Variants in VCL observed in about 807,000 individuals in gnomAD.
The protein encoded by VCL is epididymis luminal protein 114.
A neutral mutation model predicts 125.7 loss-of-function variants in VCL; 47 were observed. The ratio of observed to expected loss-of-function variants is 0.37; its 90% CI spans 0.30 to 0.48. The LOEUF is 0.48. VCL is among the 20% of genes least tolerant of loss of function. The probability of loss-of-function intolerance (pLI) is 0.99; values close to 1 mark genes in which losing one functional copy is unlikely to be tolerated. For synonymous variants in VCL, 458 were observed against 514.6 expected (o/e 0.89, Z 1.49); for missense variants, 1,069 against 1,455.5 (o/e 0.73, Z 4.32).
chr10:74,108,558 C>A (rs949692167), intron 17 of VCL, among the ~76,000 whole-genome samples: 3 of 152,014 alleles, frequency 2.0e-5, no homozygotes, highest in Non-Finnish European at 2.9e-5. Flanking sequence ...CAGCTCACGG[C>A]AACCTCTGCC....
At chr10:74,093,045 C>G (rs1839912493) in intron 10 of VCL, among the ~76,000 whole-genome samples, 1 of 152,136 alleles carries the variant, frequency 6.6e-6, no homozygotes, top group South Asian at 2.1e-4. Flanking sequence ...GCCTGTAATC[C>G]TAGCACTTTG....
At chr10:74,022,028 G>A (rs1244388091) in intron 1 of VCL, among the ~76,000 whole-genome samples, 1 of 151,942 alleles carries the variant, frequency 6.6e-6, no homozygotes, top group Non-Finnish European at 1.5e-5. Context: ...CCTATGCCTT[G>A]TCCCCAGTCT....
chr10:74,056,569 A>G (rs1392351450), intron 2 of VCL, among the ~76,000 whole-genome samples: 1 of 152,146 alleles, frequency 6.6e-6, no homozygotes, highest in Non-Finnish European at 1.5e-5. Flanking sequence ...CAGGGTTGGA[A>G]CAGCATGTAT....
At chr10:74,000,782 A>G (rs1028877740) in intron 1 of VCL, among the ~76,000 whole-genome samples, 2 of 152,196 alleles carry the variant, frequency 1.3e-5, no homozygotes, top group African/African-American at 4.8e-5. Flanking sequence ...AAACACTGTA[A>G]TACACACTGT....
At chr10:74,072,660 T>TTAGACTGAGAAAGCCAGACCCGGGATTG (rs1437270117) in intron 4 of VCL, 70 bp from the exon 5 acceptor site, 1 of 1,611,062 alleles carries the variant, frequency 6.2e-7, no homozygotes. Context: ...CATAATGGAT[T>TTAGACTGAGAAAGCCAGACCCGGGATTG]TAGACTGAGA....
intron 1 of VCL, among the ~76,000 whole-genome samples, chr10:74,010,967 C>T (rs917932899): frequency 2.0e-5 from 3 of 151,454 alleles, no homozygotes; most frequent in African/African-American, 7.3e-5. Flanking sequence ...GTCAGGAGTT[C>T]GAGACCAGCC....
intron 21 of VCL, among the ~76,000 whole-genome samples, chr10:74,115,298 C>A (rs1293848747): frequency 2.0e-5 from 3 of 151,976 alleles, no homozygotes; most frequent in Non-Finnish European, 4.4e-5. Context: ...GTCCCAGCTA[C>A]TCAGGAGGCT....
chr10:74,017,557 CTT>C (rs956763044), intron 1 of VCL, among the ~76,000 whole-genome samples: 16 of 94,184 alleles, frequency 1.7e-4, no homozygotes, highest in Admixed American at 2.3e-4. Flanking sequence ...TTCTTTCTTT[CTT>C]TTTTTTTTTT....
At chr10:74,073,754 G>A (rs1328792670) in intron 5 of VCL, among the ~76,000 whole-genome samples, 2 of 152,198 alleles carry the variant, frequency 1.3e-5, no homozygotes, top group African/African-American at 4.8e-5. Context: ...CACTTATTGA[G>A]TGTCTAGTAT....
intron 1 of VCL, among the ~76,000 whole-genome samples, chr10:74,005,699 G>T (rs1342656477): frequency 6.6e-6 from 1 of 152,146 alleles, no homozygotes; most frequent in African/African-American, 2.4e-5. Context: ...ACCAAAATCT[G>T]CAGATACTCA....
intron 1 of VCL, among the ~76,000 whole-genome samples, chr10:74,023,628 G>A (rs760218178): frequency 1.3e-5 from 2 of 152,196 alleles, no homozygotes; most frequent in African/African-American, 2.4e-5. Flanking sequence ...TTGGTTGTCC[G>A]TGGCAACTGT....
chr10:74,118,119 G>T lies in VCL; in HGVS notation c.3355G>T (p.Asp1119Tyr), dbSNP rs1290329529. The T allele has an allele frequency of 6.2e-7, 1 of 1,614,072 alleles. No individual in the cohort carries two copies. Among genetic ancestry groups the T allele is most frequent in the Non-Finnish European group, 8.5e-7 (1 of 1,180,054 alleles). Residue 1119 changes from aspartate (D) to tyrosine (Y), a missense_variant, in exon 22 of 22, where the codon GAT (aspartate) becomes TAT (tyrosine). Around this residue, in one of 6 missense-constraint regions of VCL, gnomAD observed 91 missense variants for 203.9 expected, o/e 0.45. Coordinates refer to ENST00000211998, the MANE Select transcript of VCL (RefSeq NM_014000.3). ...AEAASIKIRT[D>Y]AGFTLRWVRK... is the part of the protein sequence containing the mutation. ...AGCTGCTTCAATCAAAATTCGAACA[G>T]ATGCTGGATTTACACTGCGCTGGGT... is the stretch of plus-strand genomic sequence containing the variant.
chr10:74,056,211 T>C (rs1193717671), intron 2 of VCL, among the ~76,000 whole-genome samples: 1 of 150,816 alleles, frequency 6.6e-6, no homozygotes, highest in Admixed American at 6.7e-5. Flanking sequence ...GTGTGTGTGT[T>C]TAGGCTTTGT....
intron 1 of VCL, among the ~76,000 whole-genome samples, chr10:74,017,103 A>G (rs1282986730): frequency 7.6e-6 from 1 of 130,724 alleles, no homozygotes; most frequent in Non-Finnish European, 1.5e-5. Context: ...GCTGGAGTGC[A>G]GTGGCGGGAT....
At chr10:74,112,575 G>A (rs1379377733) in intron 19 of VCL, among the ~76,000 whole-genome samples, 2 of 152,140 alleles carry the variant, frequency 1.3e-5, no homozygotes, top group African/African-American at 4.8e-5. Flanking sequence ...GGTCTCTGGG[G>A]GAGGACTGCT....
Position 74,071,871 on chromosome 10 carries a change from T to C in VCL, c.499+788T>C, listed in dbSNP as rs1564523397. On this transcript the variant is annotated intron_variant, in intron 4 of 21. Transcript: ENST00000211998. This position sits in a 1 kb window ranked among gnomAD's most constrained non-coding sequence, Gnocchi z 4.1. ...TCACTGAAGATCACCTGGAAATAGGTTTCTCTGGTGGCTTTAGAGTAGTCC... is the reference window on the plus strand; with the variant it reads ...TCACTGAAGATCACCTGGAAATAGGCTTCTCTGGTGGCTTTAGAGTAGTCC... Among the ~76,000 whole-genome samples the C allele has an allele frequency of 6.6e-6, 1 of 152,206 alleles. No individual in the cohort carries two copies. Among genetic ancestry groups the C allele is most frequent in the Non-Finnish European group, 1.5e-5 (1 of 68,040 alleles).
At chr10:74,073,289 A>G (rs990351071) in intron 5 of VCL, among the ~76,000 whole-genome samples, 1 of 152,172 alleles carries the variant, frequency 6.6e-6, no homozygotes, top group Non-Finnish European at 1.5e-5. Flanking sequence ...AGCCTAGGTA[A>G]AAATGAGACC....
At chr10:74,012,025 G>A (rs1016845796) in intron 1 of VCL, among the ~76,000 whole-genome samples, 2 of 152,200 alleles carry the variant, frequency 1.3e-5, no homozygotes, top group African/African-American at 4.8e-5. Flanking sequence ...CACCATCCAA[G>A]TCAAAGTCAT....
intron 2 of VCL, among the ~76,000 whole-genome samples, chr10:74,046,301 G>A (rs1841195786): frequency 6.6e-6 from 1 of 152,186 alleles, no homozygotes. Flanking sequence ...AGGTTGAAGT[G>A]CAGTGGTGCG....
Sources: allele counts gnomAD v4.1 joint callset (sites outside exome capture counted in the v4.1 genomes callset), GRCh38; gene constraint gnomAD v4.1.1; regional missense constraint gnomAD v4.1.1; non-coding constraint Gnocchi (gnomAD v3.1); transcripts MANE v1.5; gene names NCBI Gene and HGNC (gene_info 2026-07-23, HGNC 2026-07-21).